The following TTLL6 variants were observed in gnomAD, a reference collection of about 807,000 sequenced individuals.
TTLL6 encodes the protein tubulin polyglutamylase TTLL6.
A neutral mutation model predicts 96.4 loss-of-function variants in TTLL6; 75 were observed. The observed-to-expected ratio is 0.78, with a 90% CI of 0.65 to 0.94. TTLL6 has a LOEUF of 0.94. TTLL6 is among the 40% of genes least tolerant of loss of function. The pLI, the probability that TTLL6 is intolerant of heterozygous loss-of-function variation, is 0.00. For synonymous variants in TTLL6, 411 were observed against 419.4 expected, an observed-to-expected ratio of 0.98 and a Z score of 0.24; for missense variants, 1,030 against 1,093.0, an observed-to-expected ratio of 0.94 and a Z score of 0.81.
intron 1 of TTLL6, among the ~76,000 whole-genome samples, chr17:48,808,863 G>A (rs150000830): frequency 1.3e-5 from 2 of 152,120 alleles, no homozygotes; most frequent in Non-Finnish European, 2.9e-5. Flanking sequence ...AAGCCACCAC[G>A]CCTGGCCCAA....
At chr17:48,794,300 C>T (rs1047545755) in intron 8 of TTLL6, 6 of 1,612,862 alleles carry the variant, frequency 3.7e-6, no homozygotes, top group African/African-American at 2.7e-5. Context: ...AAAATGAGAA[C>T]CTTTCCATTC....
At chr17:48,800,998 G>A (rs2039401634) in intron 5 of TTLL6, among the ~76,000 whole-genome samples, 1 of 152,086 alleles carries the variant, frequency 6.6e-6, no homozygotes, top group African/African-American at 2.4e-5. Context: ...CAGCTTTCAG[G>A]GTCAGAACAA....
At chr17:48,786,362 A>G in intron 11 of TTLL6, 27 bp from the exon 12 acceptor site, 2 of 1,613,952 alleles carry the variant, frequency 1.2e-6, no homozygotes, top group Non-Finnish European at 8.5e-7. Flanking sequence ...AGTGAACATC[A>G]TGGGGGTTAG....
At chr17:48,781,304 C>A (rs1015048563) in intron 13 of TTLL6, among the ~76,000 whole-genome samples, 1 of 152,156 alleles carries the variant, frequency 6.6e-6, no homozygotes, top group African/African-American at 2.4e-5. Flanking sequence ...GCCTCAGCGT[C>A]CCAAAGTGCT....
At chr17:48,811,243 A>G (rs1176403115) in intron 1 of TTLL6, among the ~76,000 whole-genome samples, 1 of 150,864 alleles carries the variant, frequency 6.6e-6, no homozygotes, top group Non-Finnish European at 1.5e-5. Flanking sequence ...TAAGTTTTGT[A>G]TTTTTAGTAG....
intron 2 of TTLL6, 81 bp from the exon 3 acceptor site, chr17:48,804,009 T>G: frequency 6.7e-7 from 1 of 1,487,344 alleles, no homozygotes. Flanking sequence ...AAACATCCTG[T>G]CCCAGGTGGA....
In TTLL6 at chr17:48,794,152, G is replaced by A. The variant is rs187561735; in HGVS notation, c.998+1909C>T. ...TGAGAGGGAGATGAACAGAGGAAGA[G>A]GACAGGGGAAATGGAAGAGGCAGAA... On this transcript the variant is annotated intron_variant, in intron 8 of 15. Coordinates refer to ENST00000393382, the MANE Select transcript of TTLL6 (RefSeq NM_001130918.3). 3.4e-4 allele frequency: 546 copies of A among 1,612,008 alleles called. 1 individual carries two copies. In the African/African-American group the frequency reaches 6.7e-3, roughly 20 times the overall value.
At chr17:48,805,318 G>A (rs766812644) in intron 1 of TTLL6, among the ~76,000 whole-genome samples, 2 of 152,182 alleles carry the variant, frequency 1.3e-5, no homozygotes, top group African/African-American at 4.8e-5. Context: ...TGGAGACAGC[G>A]AAGCCCCAAG....
intron 1 of TTLL6, among the ~76,000 whole-genome samples, chr17:48,806,876 C>T (rs2039512738): frequency 6.6e-6 from 1 of 151,410 alleles, no homozygotes; most frequent in South Asian, 2.1e-4. Flanking sequence ...ACTAAAAATA[C>T]AAAATTAGCC....
At chr17:48,803,987 G>T in intron 2 of TTLL6, 59 bp from the exon 3 acceptor site, 2 of 1,532,962 alleles carry the variant, frequency 1.3e-6, no homozygotes, top group South Asian at 1.2e-5. Flanking sequence ...CAGAACAAGT[G>T]ACTGTATCCA....
intron 5 of TTLL6, 92 bp downstream of exon 5, chr17:48,801,163 G>C: frequency 8.4e-7 from 1 of 1,185,030 alleles, no homozygotes; most frequent in Admixed American, 2.1e-5. Flanking sequence ...GTTCATATGG[G>C]CAGGGAAAGT....
rs376544572 is a variant in TTLL6 at position 48,801,474 on chromosome 17, C to T, written c.480+51G>A. The T allele has an allele frequency of 7.5e-5, 117 of 1,550,806 alleles. 1 individual carries two copies. Among genetic ancestry groups the T allele is most frequent in the Non-Finnish European group, 5.5e-5 (63 of 1,146,456 alleles). ...GGAGACAGGTGTAAAAATGGGGCCCCGCCGGGTAAGATGGCACACTTAAAC... is the reference window on the plus strand; with the variant it reads ...GGAGACAGGTGTAAAAATGGGGCCCTGCCGGGTAAGATGGCACACTTAAAC... On this transcript the variant is annotated intron_variant, in intron 4 of 15. Transcript: ENST00000393382.
chr17:48,771,745 AT>A (rs1419059594), intron 13 of TTLL6, among the ~76,000 whole-genome samples: 3 of 152,116 alleles, frequency 2.0e-5, no homozygotes, highest in Non-Finnish European at 4.4e-5. Context: ...TCACTGCATC[AT>A]GCATAATTCA....
At chr17:48,813,483 C>T (rs1182545570) in intron 1 of TTLL6, among the ~76,000 whole-genome samples, 2 of 152,044 alleles carry the variant, frequency 1.3e-5, no homozygotes, top group Non-Finnish European at 2.9e-5. Context: ...CACTTTAGCC[C>T]GGGAGGCTGA....
intron 8 of TTLL6, among the ~76,000 whole-genome samples, chr17:48,793,755 A>T (rs1304500541): frequency 6.6e-6 from 1 of 152,030 alleles, no homozygotes; most frequent in East Asian, 1.9e-4. Context: ...ACTTTTTCAC[A>T]CCTCAGTTTC....
chr17:48,769,310 T>TAGGG, intron 14 of TTLL6, 56 bp from the exon 15 acceptor site: 1 of 1,532,328 alleles, frequency 6.5e-7, no homozygotes, highest in Non-Finnish European at 8.8e-7. Context: ...TCAGCACAAA[T>TAGGG]TCCTGGTGAA....
At position 48,790,093 on chromosome 17, in the gene TTLL6, G is replaced by T; in HGVS notation, c.1238C>A (p.Pro413Gln). 6.2e-7 allele frequency: 1 copy of T among 1,613,842 alleles called. No homozygotes were observed. The highest frequency in any genetic ancestry group is 8.5e-7 in the Non-Finnish European group (1 of 1,179,878). The change falls in exon 10 of 16, where the codon CCA becomes CAA. Residue 413 changes from proline (P) to glutamine (Q), a missense_variant. Coordinates refer to ENST00000393382, the MANE Select transcript of TTLL6 (RefSeq NM_001130918.3). ...CAACCGAGAGTCGGTGGAGAAGCTTGGAGAGTGGTTGACCTGTGAGGGCAA... is the reference window on the plus strand; with the variant it reads ...CAACCGAGAGTCGGTGGAGAAGCTTTGAGAGTGGTTGACCTGTGAGGGCAA... ...KPWLLEVNHS[P>Q]SFSTDSRLDK...
At chr17:48,795,176 CTT>C (rs796710150) in intron 8 of TTLL6, among the ~76,000 whole-genome samples, 9 of 151,958 alleles carry the variant, frequency 5.9e-5, no homozygotes, top group African/African-American at 1.9e-4. Context: ...AAATACAAAA[CTT>C]AGCGGAGTGT....
At chr17:48,764,826 G>A (rs1162961407) in intron 15 of TTLL6, among the ~76,000 whole-genome samples, 1 of 152,116 alleles carries the variant, frequency 6.6e-6, no homozygotes, top group Non-Finnish European at 1.5e-5. Flanking sequence ...AAAGCAGGGG[G>A]CCAGTTCTGA....
Sources: gnomAD v4.1 joint callset for allele counts (sites outside exome capture counted in the v4.1 genomes callset) on GRCh38, gnomAD v4.1.1 for gene constraint, MANE v1.5 for transcripts, NCBI Gene and HGNC (gene_info 2026-07-23, HGNC 2026-07-21) for gene names.